DRC11: variants seen among roughly 807,000 people sequenced by gnomAD.
The protein encoded by DRC11 is IQ and AAA domain-containing protein 1.
chr2:236,370,464 G>A, the DRC11 span, among the ~76,000 whole-genome samples: 1 of 152,096 alleles, frequency 6.6e-6, no homozygotes, highest in African/African-American at 2.4e-5. The surrounding 1 kb of genome is among the most constrained non-coding windows in gnomAD (Gnocchi z 5.5). Context: ...AGGAGAGACC[G>A]GTCAGTGGTC....
At chr2:236,420,642 C>CA in the DRC11 span, among the ~76,000 whole-genome samples, 857 of 150,164 alleles carry the variant, frequency 5.7e-3, 12 homozygotes, top group African/African-American at 0.018. This position sits in a 1 kb window ranked among gnomAD's most constrained non-coding sequence, Gnocchi z 4.8. Context: ...CCCATGTCTA[C>CA]AAAAAAAAAC....
the DRC11 span, chr2:236,367,631 A>G: frequency 6.5e-6 from 1 of 152,714 alleles, no homozygotes; most frequent in African/African-American, 2.4e-5. This position sits in a 1 kb window ranked among gnomAD's most constrained non-coding sequence, Gnocchi z 4.8. Flanking sequence ...TGAGCCGCAG[A>G]TATCTGTGCT....
the DRC11 span, among the ~76,000 whole-genome samples, chr2:236,491,271 T>TAC: frequency 4.9e-4 from 33 of 67,444 alleles, no homozygotes; most frequent in Middle Eastern, 8.8e-3. Flanking sequence ...TATATATATA[T>TAC]ACACACAGTA....
the DRC11 span, among the ~76,000 whole-genome samples, chr2:236,327,485 T>A: frequency 0.2 from 30,398 of 152,110 alleles, 3,288 homozygotes; most frequent in African/African-American, 0.24. Flanking sequence ...CTTCAAGCGA[T>A]CTGCCTGCCT....
chr2:236,445,696 A>C, the DRC11 span, among the ~76,000 whole-genome samples: 1 of 152,126 alleles, frequency 6.6e-6, no homozygotes, highest in Non-Finnish European at 1.5e-5. This position sits in a 1 kb window ranked among gnomAD's most constrained non-coding sequence, Gnocchi z 4.8. Context: ...TTATATAATT[A>C]GTCATAATCT....
the DRC11 span, among the ~76,000 whole-genome samples, chr2:236,317,153 G>A: frequency 6.6e-6 from 1 of 152,088 alleles, no homozygotes; most frequent in East Asian, 1.9e-4. The surrounding 1 kb of genome is among the most constrained non-coding windows in gnomAD (Gnocchi z 5.4). Flanking sequence ...AAAATTAGCC[G>A]GGCATGGTGG....
the DRC11 span, among the ~76,000 whole-genome samples, chr2:236,387,751 C>G: frequency 6.6e-6 from 1 of 151,684 alleles, no homozygotes; most frequent in Non-Finnish European, 1.5e-5. Context: ...CAGTTTCTTC[C>G]TAGTCTCGAT....
the DRC11 span, among the ~76,000 whole-genome samples, chr2:236,497,902 C>T: frequency 7.2e-5 from 11 of 152,258 alleles, no homozygotes; most frequent in South Asian, 2.1e-4. The surrounding 1 kb of genome is among the most constrained non-coding windows in gnomAD (Gnocchi z 5.1). Context: ...TTAAGTTGAA[C>T]GTGTGCATAC....
the DRC11 span, among the ~76,000 whole-genome samples, chr2:236,376,456 T>C: frequency 6.6e-6 from 1 of 152,216 alleles, no homozygotes; most frequent in African/African-American, 2.4e-5. The surrounding 1 kb of genome is among the most constrained non-coding windows in gnomAD (Gnocchi z 5.7). Context: ...CATTTGATTT[T>C]CTGAGTGATT....
At chr2:236,332,001 T>C in the DRC11 span, 1 of 162,062 alleles carries the variant, frequency 6.2e-6, no homozygotes, top group Non-Finnish European at 1.4e-5. The surrounding 1 kb of genome is among the most constrained non-coding windows in gnomAD (Gnocchi z 5.1). Context: ...GTAGTTTAAC[T>C]TTTTTTTTAG....
the DRC11 span, among the ~76,000 whole-genome samples, chr2:236,352,590 T>A: frequency 6.6e-6 from 1 of 152,164 alleles, no homozygotes; most frequent in Non-Finnish European, 1.5e-5. The surrounding 1 kb of genome is among the most constrained non-coding windows in gnomAD (Gnocchi z 7.0). Context: ...AGTAAAAATC[T>A]CAGAATATAC....
chr2:236,445,961 G>A, the DRC11 span, among the ~76,000 whole-genome samples: 1 of 152,242 alleles, frequency 6.6e-6, no homozygotes, highest in African/African-American at 2.4e-5. The surrounding 1 kb of genome is among the most constrained non-coding windows in gnomAD (Gnocchi z 4.8). Context: ...CCTGCTGTGC[G>A]ATACTCCCAG....
At chr2:236,327,308 G>T in the DRC11 span, among the ~76,000 whole-genome samples, 1 of 152,182 alleles carries the variant, frequency 6.6e-6, no homozygotes, top group Non-Finnish European at 1.5e-5. Flanking sequence ...CCAGGCTGGA[G>T]TGCAGTGGCA....
chr2:236,430,186 G>A, the DRC11 span, among the ~76,000 whole-genome samples: 157 of 145,394 alleles, frequency 1.1e-3, no homozygotes, highest in South Asian at 4.0e-3. The surrounding 1 kb of genome is among the most constrained non-coding windows in gnomAD (Gnocchi z 6.0). Context: ...ACATATATGC[G>A]AATATACATA....
At chr2:236,467,574 T>C in the DRC11 span, among the ~76,000 whole-genome samples, 2 of 152,332 alleles carry the variant, frequency 1.3e-5, no homozygotes, top group South Asian at 4.1e-4. Flanking sequence ...GTGGTCACTA[T>C]GGCGAACACT....
the DRC11 span, among the ~76,000 whole-genome samples, chr2:236,314,640 A>G: frequency 6.6e-6 from 1 of 152,248 alleles, no homozygotes; most frequent in Admixed American, 6.5e-5. This position sits in a 1 kb window ranked among gnomAD's most constrained non-coding sequence, Gnocchi z 4.5. Flanking sequence ...CAATTCAAAA[A>G]GTAAATTTTA....
At chr2:236,393,337 A>G in the DRC11 span, among the ~76,000 whole-genome samples, 42 of 152,228 alleles carry the variant, frequency 2.8e-4, no homozygotes, top group African/African-American at 1.0e-3. The surrounding 1 kb of genome is among the most constrained non-coding windows in gnomAD (Gnocchi z 4.7). Flanking sequence ...GCCCCTTGTG[A>G]AGACAGCAGA....
chr2:236,474,298 AAATT>A, the DRC11 span, among the ~76,000 whole-genome samples: 1 of 152,326 alleles, frequency 6.6e-6, no homozygotes, highest in Non-Finnish European at 1.5e-5. Flanking sequence ...ATTGCTGAAA[AAATT>A]AATACAAACT....
chr2:236,309,770 G>C, the DRC11 span, among the ~76,000 whole-genome samples: 4 of 151,146 alleles, frequency 2.6e-5, no homozygotes, highest in African/African-American at 9.9e-5. The surrounding 1 kb of genome is among the most constrained non-coding windows in gnomAD (Gnocchi z 5.7). Flanking sequence ...TGTTGTGTTG[G>C]TGTCCCTTTC....
Sources: gnomAD v4.1 joint callset for allele counts (sites outside exome capture counted in the v4.1 genomes callset) on GRCh38, gnomAD v4.1.1 for gene constraint, Gnocchi (gnomAD v3.1) non-coding constraint, MANE v1.5 for transcripts, NCBI Gene and HGNC (gene_info 2026-07-23, HGNC 2026-07-21) for gene names.